LRRN2: variants seen among roughly 807,000 people sequenced by gnomAD.
LRRN2 encodes leucine rich repeat neuronal 2.
LRRN2 carries 10 observed loss-of-function variants against 35.7 expected under a neutral mutation model. The observed-to-expected ratio is 0.28, with a 90% CI of 0.17 to 0.47. The LOEUF is 0.47. LRRN2 is among the 20% of genes least tolerant of loss of function. LRRN2 has a pLI of 0.99. For synonymous variants in LRRN2, 391 were observed against 409.6 expected (o/e 0.95, Z 0.55); for missense variants, 731 against 940.3 (o/e 0.78, Z 2.91).
rs370006439 is a variant in LRRN2, at chr1:204,676,420, C to T, written c.-227+8900G>A. Among the ~76,000 whole-genome samples, 30 of 152,252 alleles carry T rather than the reference C, an allele frequency of 2.0e-4. No homozygotes were observed. The East Asian group carries it at 4.2e-3, about 22-fold the overall frequency. On this transcript the variant is annotated intron_variant, in intron 1 of 1. Transcript: ENST00000367177. ...AACTTTCCAGGCCCATAATGATCAA[C>T]TCTCGCCTCTGCAGGTGAGACAGGC...
chr1:204,644,920 G>A (rs1200329396), intron 1 of LRRN2, among the ~76,000 whole-genome samples: 1 of 152,226 alleles, frequency 6.6e-6, no homozygotes, highest in Non-Finnish European at 1.5e-5. Flanking sequence ...GCAGGCCTGT[G>A]TGTAGACTAG....
chr1:204,617,940 G>T lies in LRRN2; in HGVS notation c.2053C>A (p.Pro685Thr). 6.2e-7 allele frequency: 1 copy of T among 1,614,028 alleles called. No individual in the cohort carries two copies. The highest frequency in any genetic ancestry group is 8.5e-7 in the Non-Finnish European group (1 of 1,180,030). Residue 685 changes from proline (P) to threonine (T), a missense_variant, in exon 2 of 2, where the codon CCC becomes ACC. Pro to Thr is a conservative substitution (Grantham distance 38). Coordinates refer to ENST00000367177, the MANE Select transcript of LRRN2 (RefSeq NM_201630.2). ...SAPSVRVVSA[P>T]LVLPWNPGRK... is the part of the protein sequence containing the mutation. ...CCTGGATTCCAGGGCAGGACGAGGG[G>T]AGCAGACACAACCCGGACAGAAGGG...
rs749486589 is a variant in LRRN2 at position 204,617,908 on chromosome 1, C to T, written c.2085G>A (p.Lys695=). ...TCTCCCCTTCTGAGGATCTGGGCAG[C>T]TTCCTCCCTGGATTCCAGGGCAGGA... The part of the protein sequence containing the change: ...PLVLPWNPGR[K]LPRSSEGETL... Residue 695 remains lysine, a synonymous_variant, in exon 2 of 2, where the codon AAG becomes AAA. Transcript: ENST00000367177. The T allele has an allele frequency of 1.2e-6, 2 of 1,614,132 alleles. No homozygotes were observed.
intron 1 of LRRN2, among the ~76,000 whole-genome samples, chr1:204,651,035 C>G (rs562279924): frequency 2.0e-5 from 3 of 151,648 alleles, no homozygotes; most frequent in East Asian, 3.9e-4. Context: ...CTGAGTAGGA[C>G]AAATCTAGTC....
chr1:204,629,250 T>G (rs1473812564), intron 1 of LRRN2: 1 of 152,310 alleles, frequency 6.6e-6, no homozygotes, highest in African/African-American at 2.4e-5. Flanking sequence ...CACCTGCATA[T>G]CTGGGGAATT....
At chr1:204,684,082 C>A (rs1669012640) in intron 1 of LRRN2, among the ~76,000 whole-genome samples, 1 of 152,180 alleles carries the variant, frequency 6.6e-6, no homozygotes, top group African/African-American at 2.4e-5. Flanking sequence ...CCATCCTAGA[C>A]TGGCGGGAAA....
chr1:204,640,500 T>A lies in LRRN2; in HGVS notation c.-226-20282A>T, dbSNP rs184068455. 1.8e-4 allele frequency among the ~76,000 whole-genome samples: 27 copies of A among 152,290 alleles called. No individual in the cohort carries two copies. The East Asian group carries it at 5.2e-3, about 29-fold the overall frequency. ...ACTTCTCCCCCTCCTGGAAGGGCGT[T>A]CAGGGGCTGTAGCAAACGGAGCCTG... On this transcript the variant is annotated intron_variant, in intron 1 of 1. Transcript: ENST00000367177.
intron 1 of LRRN2, among the ~76,000 whole-genome samples, chr1:204,645,023 C>CT (rs1668068984): frequency 6.6e-6 from 1 of 152,250 alleles, no homozygotes; most frequent in African/African-American, 2.4e-5. Flanking sequence ...GGGCAGAGGG[C>CT]TTTCGCCAGC....
At chr1:204,684,637 G>T (rs1471595753) in intron 1 of LRRN2, among the ~76,000 whole-genome samples, 1 of 152,184 alleles carries the variant, frequency 6.6e-6, no homozygotes, top group East Asian at 1.9e-4. Context: ...TGGGTCCTGC[G>T]GTGGGCTCAG....
intron 1 of LRRN2, among the ~76,000 whole-genome samples, chr1:204,626,353 T>C (rs1379967711): frequency 5.3e-5 from 8 of 152,112 alleles, no homozygotes; most frequent in Non-Finnish European, 8.8e-5. Context: ...TCTTTTGGGC[T>C]TTCCTGCTCA....
chr1:204,675,061 T>C (rs1436466620), intron 1 of LRRN2, among the ~76,000 whole-genome samples: 1 of 152,136 alleles, frequency 6.6e-6, no homozygotes, highest in Admixed American at 6.5e-5. Flanking sequence ...TCCCGGCTCA[T>C]CCACTAACTC....
chr1:204,671,288 G>A (rs1378335344), intron 1 of LRRN2, among the ~76,000 whole-genome samples: 1 of 152,072 alleles, frequency 6.6e-6, no homozygotes, highest in Admixed American at 6.6e-5. Context: ...AATAGTCATT[G>A]TGGAGACTGA....
chr1:204,644,422 C>T (rs954565705), intron 1 of LRRN2, among the ~76,000 whole-genome samples: 6 of 152,146 alleles, frequency 3.9e-5, no homozygotes, highest in Admixed American at 2.6e-4. Flanking sequence ...CCCCGACAGC[C>T]CCATGCCTGC....
chr1:204,685,480 A>G lies in LRRN2; in HGVS notation c.-387T>C, dbSNP rs1669052235. The G allele has an allele frequency of 6.7e-6, 1 of 149,876 alleles. No homozygotes were observed. Among genetic ancestry groups the G allele is most frequent in the Non-Finnish European group, 1.5e-5 (1 of 67,398 alleles). The allele number at this position is 149,876 out of a possible 1,614,324, so 9.3% of individuals were successfully genotyped here. ...TCGGCGGGCGCCCTCCCCAACGTGG[A>G]GTTATCCTGGGAGCGGCTCCAGGGC... On this transcript the variant is annotated 5_prime_UTR_variant, in exon 1 of 2. Coordinates refer to ENST00000367177, the MANE Select transcript of LRRN2 (RefSeq NM_201630.2).
At chr1:204,668,280 C>T (rs879044374) in intron 1 of LRRN2, among the ~76,000 whole-genome samples, 5 of 152,092 alleles carry the variant, frequency 3.3e-5, no homozygotes, top group African/African-American at 7.2e-5. Context: ...TTCTATAAAG[C>T]GTGGATATGC....
intron 1 of LRRN2, among the ~76,000 whole-genome samples, chr1:204,662,473 C>A (rs1470773377): frequency 2.0e-5 from 3 of 152,182 alleles, no homozygotes; most frequent in South Asian, 2.1e-4. Flanking sequence ...TCCAAGGCCA[C>A]AACTCACAGT....
chr1:204,675,507 T>C (rs1273768855), intron 1 of LRRN2, among the ~76,000 whole-genome samples: 1 of 152,198 alleles, frequency 6.6e-6, no homozygotes. Context: ...CCCTGGCCCA[T>C]GGCCCCTTCC....
intron 1 of LRRN2, among the ~76,000 whole-genome samples, chr1:204,624,876 C>T (rs904412121): frequency 5.3e-5 from 8 of 151,528 alleles, no homozygotes; most frequent in African/African-American, 1.5e-4. Flanking sequence ...GAGAGATGGG[C>T]GGCATAATTG....
In LRRN2 at chr1:204,620,049, G is replaced by A. The variant is rs1666760822; in HGVS notation, c.-57C>T. Reference sequence around the variant, plus strand: ...AGAAGAGTCTGGAGTCCTGCTCTTTGTGTTTTGCAGGGTAAGGGTCAGCAA... The same window carrying A: ...AGAAGAGTCTGGAGTCCTGCTCTTTATGTTTTGCAGGGTAAGGGTCAGCAA... On this transcript the variant is annotated 5_prime_UTR_variant, in exon 2 of 2. Transcript: ENST00000367177. 6.5e-7 allele frequency: 1 copy of A among 1,547,482 alleles called. No homozygotes were observed. Among genetic ancestry groups the A allele is most frequent in the Non-Finnish European group, 8.7e-7 (1 of 1,145,760 alleles).
Sources: allele counts gnomAD v4.1 joint callset (sites outside exome capture counted in the v4.1 genomes callset), GRCh38; gene constraint gnomAD v4.1.1; transcripts MANE v1.5; gene names NCBI Gene and HGNC (gene_info 2026-07-23, HGNC 2026-07-21).